SLC22A15: variants seen among roughly 807,000 people sequenced by gnomAD.
The protein encoded by SLC22A15 is solute carrier family 22 member 15.
SLC22A15 carries 45 observed loss-of-function variants against 62.7 expected under a neutral mutation model. The observed-to-expected ratio is 0.72, with a 90% CI of 0.56 to 0.92. SLC22A15 has a LOEUF of 0.92. SLC22A15 is among the 40% of genes least tolerant of loss of function. The pLI, the probability that SLC22A15 is intolerant of heterozygous loss-of-function variation, is 0.00. For synonymous variants in SLC22A15, 264 were observed against 267.0 expected (o/e 0.99, Z 0.11); for missense variants, 622 against 665.6 (o/e 0.93, Z 0.72).
chr1:116,057,372 AGT>A (rs1171538619), intron 8 of SLC22A15, among the ~76,000 whole-genome samples: 1 of 151,872 alleles, frequency 6.6e-6, no homozygotes, highest in Admixed American at 6.6e-5. Context: ...ATCTCACACC[AGT>A]TAGAATGGTG....
At chr1:115,995,086 G>A (rs919848893) in intron 2 of SLC22A15, among the ~76,000 whole-genome samples, 2 of 151,582 alleles carry the variant, frequency 1.3e-5, no homozygotes, top group African/African-American at 4.9e-5. Context: ...TTCCTCATTC[G>A]GTTTGGTTTT....
At chr1:116,044,335 T>TA (rs1657872649) in intron 8 of SLC22A15, among the ~76,000 whole-genome samples, 1 of 152,228 alleles carries the variant, frequency 6.6e-6, no homozygotes, top group South Asian at 2.1e-4. Flanking sequence ...TGCTTTGGCT[T>TA]ACGCCTGTAA....
At chr1:116,026,442 G>A (rs1657095173) in intron 4 of SLC22A15, among the ~76,000 whole-genome samples, 1 of 151,706 alleles carries the variant, frequency 6.6e-6, no homozygotes, top group Admixed American at 6.6e-5. Flanking sequence ...AAAAGGGAAG[G>A]AAGGAAAGAA....
At chr1:116,002,051 A>T (rs761881071) in intron 2 of SLC22A15, among the ~76,000 whole-genome samples, 1 of 152,246 alleles carries the variant, frequency 6.6e-6, no homozygotes, top group African/African-American at 2.4e-5. Context: ...CCATAAGTGC[A>T]TGAGATAGCA....
At chr1:116,060,398 G>C (rs1039774607) in intron 8 of SLC22A15, among the ~76,000 whole-genome samples, 2 of 152,210 alleles carry the variant, frequency 1.3e-5, no homozygotes, top group Non-Finnish European at 2.9e-5. Context: ...GCTACAGCTG[G>C]AGCTATCCTG....
chr1:115,999,893 A>G (rs768271467), intron 2 of SLC22A15, among the ~76,000 whole-genome samples: 28 of 152,162 alleles, frequency 1.8e-4, no homozygotes, highest in Middle Eastern at 3.4e-3. Context: ...TTGTCTTGAA[A>G]TCTATTTTGT....
At chr1:116,032,538 G>C (rs1657457779) in intron 6 of SLC22A15, 1 of 985,296 alleles carries the variant, frequency 1.0e-6, no homozygotes, top group Non-Finnish European at 1.2e-6. Context: ...TTTAGAATAA[G>C]AAGCTGCAAA....
rs1657655077 is a variant in SLC22A15 at position 116,037,267 on chromosome 1, C to T, written c.1086-36C>T. On this transcript the variant is annotated intron_variant, in intron 7 of 11. Transcript: ENST00000369503. Reference sequence around the variant, plus strand: ...AAGAAACAGATGAATTTATAAGGTTCTTAAGAGAACTGTGTAATTTCTTTC... The same window carrying T: ...AAGAAACAGATGAATTTATAAGGTTTTTAAGAGAACTGTGTAATTTCTTTC... 5 of 1,539,318 alleles carry T rather than the reference C, an allele frequency of 3.2e-6. No homozygotes were observed. In the East Asian group the frequency reaches 1.1e-4, roughly 35 times the overall value.
chr1:116,016,090 TTCTTTCTC>T (rs1274810212), intron 2 of SLC22A15, among the ~76,000 whole-genome samples: 1 of 152,036 alleles, frequency 6.6e-6, no homozygotes, highest in East Asian at 1.9e-4. Flanking sequence ...TTCTTTTCTT[TTCTTTCTC>T]TCTTTCTCTC....
At chr1:115,992,654 C>T (rs1368412182) in intron 2 of SLC22A15, among the ~76,000 whole-genome samples, 1 of 135,284 alleles carries the variant, frequency 7.4e-6, no homozygotes, top group Admixed American at 8.0e-5. Flanking sequence ...CGGAGTCTTG[C>T]TTTGTTGCCC....
intron 6 of SLC22A15, among the ~76,000 whole-genome samples, chr1:116,033,453 T>A (rs1192042232): frequency 6.6e-6 from 1 of 152,102 alleles, no homozygotes; most frequent in African/African-American, 2.4e-5. Flanking sequence ...CCCCGTTCTC[T>A]CTCACCACCA....
chr1:116,035,040 A>C (rs867364024), intron 6 of SLC22A15, 147 bp from the exon 7 acceptor site: 2 of 824,176 alleles, frequency 2.4e-6, no homozygotes, highest in Middle Eastern at 4.9e-4. Context: ...AAAATAGAAA[A>C]ATTAGTAGGA....
chr1:116,054,656 A>G (rs572642926), intron 8 of SLC22A15, among the ~76,000 whole-genome samples: 6 of 152,286 alleles, frequency 3.9e-5, no homozygotes, highest in Admixed American at 2.0e-4. Context: ...ATAGTTGGAA[A>G]TAAAGCTCTC....
At chr1:115,983,098 C>T (rs996547429) in intron 1 of SLC22A15, among the ~76,000 whole-genome samples, 1 of 152,306 alleles carries the variant, frequency 6.6e-6, no homozygotes, top group African/African-American at 2.4e-5. Flanking sequence ...GAGAAAGTCT[C>T]ATTTGGTGTT....
At chr1:115,982,440 T>C (rs368431113) in intron 1 of SLC22A15, among the ~76,000 whole-genome samples, 3 of 152,362 alleles carry the variant, frequency 2.0e-5, no homozygotes, top group East Asian at 3.9e-4. Flanking sequence ...GTATCATAAC[T>C]GCATTTTGTC....
intron 8 of SLC22A15, among the ~76,000 whole-genome samples, chr1:116,058,076 G>GA (rs902502758): frequency 7.1e-5 from 9 of 127,094 alleles, no homozygotes; most frequent in Admixed American, 2.5e-4. Context: ...TAATAATACT[G>GA]AAAAAAAAAG....
chr1:116,040,943 A>G (rs1190928979), intron 8 of SLC22A15, among the ~76,000 whole-genome samples: 1 of 152,236 alleles, frequency 6.6e-6, no homozygotes, highest in Non-Finnish European at 1.5e-5. Flanking sequence ...GTTGTAAATA[A>G]TGAAGCTGAA....
chr1:116,037,360 T>G lies in SLC22A15; in HGVS notation c.1143T>G (p.Leu381=). ...AFLCLGGLAC[L]IVMFLPEKKD... ...TGTGCCTAGGAGGACTGGCTTGTCT[T>G]ATTGTAATGTTTCTTCCAGAAAAGA... Residue 381 remains leucine (L), a synonymous_variant, in exon 8 of 12, where the codon CTT becomes CTG. Transcript: ENST00000369503. The G allele has an allele frequency of 6.2e-7, 1 of 1,613,354 alleles. No homozygotes were observed. Among genetic ancestry groups the G allele is most frequent in the South Asian group, 1.1e-5 (1 of 91,064 alleles).
chr1:116,028,005 TAAAC>T (rs1003550562), intron 5 of SLC22A15, among the ~76,000 whole-genome samples: 15 of 152,212 alleles, frequency 9.9e-5, no homozygotes, highest in African/African-American at 3.6e-4. Flanking sequence ...ATCTTTGACA[TAAAC>T]AAAATTTTCA....
Sources: allele counts gnomAD v4.1 joint callset (sites outside exome capture counted in the v4.1 genomes callset), GRCh38; gene constraint gnomAD v4.1.1; transcripts MANE v1.5; gene names NCBI Gene and HGNC (gene_info 2026-07-23, HGNC 2026-07-21).